TRIP12: variants seen among roughly 807,000 people sequenced by gnomAD.
TRIP12 encodes thyroid hormone receptor interactor 12.
A neutral mutation model predicts 244.2 loss-of-function variants in TRIP12; 25 were observed. That is an observed-to-expected ratio of 0.10 (90% CI 0.07 to 0.14). TRIP12 has a LOEUF of 0.14. Among genes scored for constraint, TRIP12 ranks in the 10% least tolerant of loss-of-function variants. TRIP12 has a pLI of 1.00. For synonymous variants in TRIP12, 905 were observed against 873.1 expected, an observed-to-expected ratio of 1.04 and a Z score of -0.64; for missense variants, 1,677 against 2,486.4, an observed-to-expected ratio of 0.67 and a Z score of 6.92.
chr2:229,922,164 C>T (rs1405412849), upstream of TRIP12: 5 of 201,176 alleles, frequency 2.5e-5, no homozygotes, highest in Non-Finnish European at 5.1e-5. Context: ...CCCCTCCCTC[C>T]CACGCCTCCC....
At chr2:229,835,116 T>TC (rs1218807411) in intron 6 of TRIP12, among the ~76,000 whole-genome samples, 4 of 152,228 alleles carry the variant, frequency 2.6e-5, no homozygotes, top group Admixed American at 6.5e-5. Flanking sequence ...TTAGCTTATT[T>TC]CCCCATAAAT....
intron 1 of TRIP12, among the ~76,000 whole-genome samples, chr2:229,888,529 G>A (rs570029081): frequency 3.3e-5 from 5 of 152,230 alleles, no homozygotes; most frequent in Admixed American, 1.3e-4. Context: ...AGTGGTGTTG[G>A]CAGACACCAA....
intron 2 of TRIP12, among the ~76,000 whole-genome samples, chr2:229,877,608 T>C (rs1041800798): frequency 1.3e-5 from 2 of 152,144 alleles, no homozygotes; most frequent in South Asian, 2.1e-4. Flanking sequence ...TGAAACACTG[T>C]GGATTTTAGA....
At chr2:229,856,300 A>G (rs1449419673) in intron 4 of TRIP12, among the ~76,000 whole-genome samples, 1 of 152,168 alleles carries the variant, frequency 6.6e-6, no homozygotes, top group Non-Finnish European at 1.5e-5. Context: ...AAAATACTAA[A>G]TTAGTTTGTG....
intron 2 of TRIP12, among the ~76,000 whole-genome samples, chr2:229,871,500 A>G (rs1006851322): frequency 6.6e-6 from 1 of 152,048 alleles, no homozygotes; most frequent in African/African-American, 2.4e-5. Context: ...GGTTGTTTAC[A>G]AGTGTGTGCC....
At chr2:229,814,826 G>A (rs1002469232) in intron 11 of TRIP12, among the ~76,000 whole-genome samples, 6 of 152,104 alleles carry the variant, frequency 3.9e-5, no homozygotes, top group Non-Finnish European at 8.8e-5. Context: ...TCACTGGCAT[G>A]TTTTCTAGAA....
Position 229,814,218 on chromosome 2 carries a change from A to G in TRIP12, c.1824+15T>C, listed in dbSNP as rs748823542. ...CATAAAGTGAAATGTAGTCCCCTTC[A>G]GTAACAACACTTACCGCCTGTAGAA... On this transcript the variant is annotated intron_variant, in intron 12 of 41. Transcript: ENST00000675903. 2.5e-6 allele frequency: 4 copies of G among 1,611,852 alleles called. No individual in the cohort carries two copies. Among genetic ancestry groups the G allele is most frequent in the Non-Finnish European group, 3.4e-6 (4 of 1,178,228 alleles).
In TRIP12 at chr2:229,791,229, C is replaced by T; in HGVS notation, c.4438G>A (p.Glu1480Lys). The T allele has an allele frequency of 1.2e-6, 2 of 1,614,080 alleles. No individual in the cohort carries two copies. The highest frequency in any genetic ancestry group is 1.7e-6 in the Non-Finnish European group (2 of 1,179,976). ...CCAACACAATCTTTATTACTTTCTT[C>T]ATCCTCTCTCACAGGTTTATACCTA... The part of the protein sequence containing the change: ...TIWYKPVRED[E>K]ESNKDCVGGK... Residue 1480 changes from glutamate (E) to lysine (K), a missense_variant, in exon 30 of 42, where the codon GAA (glutamate) becomes AAA (lysine). Glu to Lys is a moderately conservative substitution (Grantham distance 56, BLOSUM62 1). Coordinates refer to ENST00000675903, the MANE Select transcript of TRIP12 (RefSeq NM_001348323.3).
Position 229,807,790 on chromosome 2 carries a change from T to A in TRIP12, c.2414A>T (p.Asn805Ile). 1 of 1,614,174 alleles carries A rather than the reference T, an allele frequency of 6.2e-7. No individual in the cohort carries two copies. Among genetic ancestry groups the A allele is most frequent in the Non-Finnish European group, 8.5e-7 (1 of 1,180,036 alleles). ...DTMLKKGNAQ[N>I]TDGAIWQWRD... ...CCACTGCCATATCGCACCATCTGTG[T>A]TCTGTGCATTTCCCTTCTTCAACAT... The change falls in exon 17 of 42, where the codon AAC becomes ATC. Residue 805 changes from asparagine to isoleucine, a missense_variant. Asn to Ile is a moderately radical substitution (Grantham distance 149). Transcript: ENST00000675903.
rs1428234948 is a variant in TRIP12, at chr2:229,799,328, G to T, written c.3262C>A (p.Pro1088Thr). Reference protein sequence around the residue: ...KRLPKRGPRRPKYSPPRDDDK... With the variant: ...KRLPKRGPRRTKYSPPRDDDK... ...TCATCTCTTGGAGGTGAGTACTTTG[G>T]CCTTCTTGGCCCTCGTTTTGGCAGT... The change falls in exon 22 of 42, where the codon CCA becomes ACA. Residue 1088 changes from proline (P) to threonine (T), a missense_variant. This residue lies in a region of TRIP12 where 572 missense variants were observed against 867.8 expected (regional missense o/e 0.66). Coordinates refer to ENST00000675903, the MANE Select transcript of TRIP12 (RefSeq NM_001348323.3). The T allele has an allele frequency of 6.2e-7, 1 of 1,614,086 alleles. No homozygotes were observed. Among genetic ancestry groups the T allele is most frequent in the East Asian group, 2.2e-5 (1 of 44,866 alleles).
chr2:229,835,670 T>C (rs545118422), intron 6 of TRIP12, among the ~76,000 whole-genome samples: 1 of 152,362 alleles, frequency 6.6e-6, no homozygotes, highest in African/African-American at 2.4e-5. Flanking sequence ...GACTGCAATG[T>C]AGTGTACACT....
Position 229,779,585 on chromosome 2 carries a change from A to G in TRIP12, c.5095-595T>C, listed in dbSNP as rs370911633. 8.5e-5 allele frequency among the ~76,000 whole-genome samples: 13 copies of G among 152,354 alleles called. 1 individual carries two copies. The South Asian group carries it at 2.7e-3, about 32-fold the overall frequency. On this transcript the variant is annotated intron_variant, in intron 34 of 41. Coordinates refer to ENST00000675903, the MANE Select transcript of TRIP12 (RefSeq NM_001348323.3). ...TTAATAGAGATATGTCGAATAAAAT[A>G]CAAATAATGGAAGGTCTGATTCCAC...
intron 4 of TRIP12, among the ~76,000 whole-genome samples, chr2:229,853,300 A>G (rs764213091): frequency 1.4e-4 from 21 of 152,106 alleles, no homozygotes; most frequent in Non-Finnish European, 2.5e-4. Context: ...TAAGATTTGT[A>G]TTAATCAGAA....
intron 15 of TRIP12, among the ~76,000 whole-genome samples, chr2:229,810,540 C>T (rs1456045967): frequency 2.0e-5 from 3 of 152,094 alleles, no homozygotes; most frequent in Non-Finnish European, 2.9e-5. Context: ...AAAAAGCAAC[C>T]TATATAAGCT....
intron 1 of TRIP12, among the ~76,000 whole-genome samples, chr2:229,894,956 C>T (rs2068389559): frequency 6.6e-6 from 1 of 152,188 alleles, no homozygotes; most frequent in African/African-American, 2.4e-5. Flanking sequence ...TAGAGAAAGG[C>T]ACCTTTAGGC....
At chr2:229,858,649 G>A (rs1215080993) in intron 4 of TRIP12, 123 bp downstream of exon 4, 14 of 823,048 alleles carry the variant, frequency 1.7e-5, no homozygotes, top group Non-Finnish European at 2.6e-5. Flanking sequence ...TACACAGACA[G>A]TAATACATCT....
At chr2:229,884,240 T>TC (rs1464002711) in intron 1 of TRIP12, among the ~76,000 whole-genome samples, 42 of 147,432 alleles carry the variant, frequency 2.8e-4, no homozygotes, top group South Asian at 4.3e-4. Context: ...TCTTTTCTTT[T>TC]TTTTTTTTTT....
intron 34 of TRIP12, among the ~76,000 whole-genome samples, chr2:229,781,957 G>A (rs1384583503): frequency 6.6e-6 from 1 of 152,090 alleles, no homozygotes; most frequent in East Asian, 1.9e-4. Flanking sequence ...ATCCAATCCT[G>A]CTCCTTAGAA....
In TRIP12 at chr2:229,815,079, C is replaced by G. The variant is rs377338577; in HGVS notation, c.1731+20G>C. The G allele has an allele frequency of 1.3e-6, 2 of 1,579,608 alleles. No individual in the cohort carries two copies. The highest frequency in any genetic ancestry group is 3.7e-5 in the Admixed American group (2 of 54,412). On this transcript the variant is annotated intron_variant, in intron 11 of 41. Transcript: ENST00000675903. ...CTCCCTATGCCTGCTTTTGAACAAA[C>G]GGGGTAAAAGTAGGATCACCTTTTC...
Sources: gnomAD v4.1 joint callset for allele counts (sites outside exome capture counted in the v4.1 genomes callset) on GRCh38, gnomAD v4.1.1 for gene constraint, gnomAD v4.1.1 regional missense constraint, MANE v1.5 for transcripts, NCBI Gene and HGNC (gene_info 2026-07-23, HGNC 2026-07-21) for gene names.